The following HNF1B variants were observed in gnomAD, a reference collection of about 807,000 sequenced individuals.
The protein encoded by HNF1B is hepatocyte nuclear factor 1-beta.
Under a neutral mutation model 61.7 loss-of-function variants are expected in HNF1B, and 8 were observed. That is an observed-to-expected ratio of 0.13 (90% CI 0.08 to 0.23). The LOEUF is 0.23. Ranked by LOEUF, HNF1B falls within the 10% of genes least tolerant of loss-of-function variation. The pLI is 1.00. For synonymous variants in HNF1B, 314 were observed against 287.7 expected, an observed-to-expected ratio of 1.09 and a Z score of -0.93; for missense variants, 562 against 714.5, an observed-to-expected ratio of 0.79 and a Z score of 2.43.
At chr17:37,699,329 A>G in intron 7 of HNF1B, 135 bp from the exon 8 acceptor site, 3 of 746,594 alleles carry the variant, frequency 4.0e-6, no homozygotes, top group South Asian at 2.9e-5. Context: ...GGGATTTCTC[A>G]TATTAGTTAT....
chr17:37,744,632 C>G lies in HNF1B; in HGVS notation c.253G>C (p.Asp85His), dbSNP rs772653373. The stretch of plus-strand genomic sequence containing the variant: ...TTGAGGATGGGAGGTGTGTCATAGT[C>G]GTCGCCGTCCTCGGAGCCCTCGTCG... ...SGDEGSEDGD[D>H]YDTPPILKEL... The change falls in exon 1 of 9, where the codon GAC becomes CAC. Residue 85 changes from aspartate (D) to histidine (H), a missense_variant. By Grantham distance (81) the Asp-to-His change is moderately conservative. Transcript: ENST00000617811. 6.2e-7 allele frequency: 1 copy of G among 1,611,846 alleles called. No individual in the cohort carries two copies. Among genetic ancestry groups the G allele is most frequent in the South Asian group, 1.1e-5 (1 of 91,088 alleles).
chr17:37,702,591 C>T (rs959995020), intron 6 of HNF1B, among the ~76,000 whole-genome samples: 5 of 152,196 alleles, frequency 3.3e-5, no homozygotes, highest in African/African-American at 4.8e-5. Context: ...ATGAATGTGC[C>T]GTTTTTGAGA....
chr17:37,740,938 T>C (rs1398697293), intron 1 of HNF1B, among the ~76,000 whole-genome samples: 1 of 152,188 alleles, frequency 6.6e-6, no homozygotes, highest in Non-Finnish European at 1.5e-5. Flanking sequence ...AATTTAAAAC[T>C]AGAAATTAAA....
At chr17:37,734,832 A>G (rs1384389262) in intron 2 of HNF1B, among the ~76,000 whole-genome samples, 1 of 145,072 alleles carries the variant, frequency 6.9e-6, no homozygotes, top group African/African-American at 2.6e-5. Context: ...CTTGTTGCCC[A>G]GGCTGGAGTA....
At chr17:37,741,094 A>T (rs2033978924) in intron 1 of HNF1B, among the ~76,000 whole-genome samples, 1 of 152,236 alleles carries the variant, frequency 6.6e-6, no homozygotes, top group Non-Finnish European at 1.5e-5. Flanking sequence ...GAACAAGAAA[A>T]AAAACGGAAG....
rs200579660 is a variant in HNF1B, at chr17:37,687,401, A to T, written c.1654-9T>A. 7.6e-5 allele frequency: 122 copies of T among 1,599,764 alleles called. No individual in the cohort carries two copies. The highest frequency in any genetic ancestry group is 9.6e-5 in the Non-Finnish European group (112 of 1,167,206). On this transcript the variant is annotated splice_polypyrimidine_tract_variant and intron_variant, in intron 8 of 8. Coordinates refer to ENST00000617811, the MANE Select transcript of HNF1B (RefSeq NM_000458.4). ...CAGGCTTGTAGAGGACACTGCAGAG[A>T]GAGAGGAGAGAGGGTGCTCAGCTGT... is the stretch of plus-strand genomic sequence containing the variant.
intron 6 of HNF1B, among the ~76,000 whole-genome samples, chr17:37,702,711 G>A (rs1209965238): frequency 2.0e-5 from 3 of 152,228 alleles, no homozygotes; most frequent in Non-Finnish European, 2.9e-5. Flanking sequence ...AAACCTGCAT[G>A]TGCTTCAGAA....
intron 8 of HNF1B, among the ~76,000 whole-genome samples, chr17:37,690,767 T>C (rs934578938): frequency 6.6e-6 from 1 of 152,194 alleles, no homozygotes; most frequent in Non-Finnish European, 1.5e-5. Context: ...AGAGTTCCTA[T>C]TTTAGGCACG....
chr17:37,744,639 G>C lies in HNF1B; in HGVS notation c.246C>G (p.Asp82Glu). 6.2e-7 allele frequency: 1 copy of C among 1,612,350 alleles called. No homozygotes were observed. The highest frequency in any genetic ancestry group is 8.5e-7 in the Non-Finnish European group (1 of 1,180,018). Residue 82 changes from aspartate to glutamate, a missense_variant, in exon 1 of 9, where the codon GAC becomes GAG. Transcript: ENST00000617811. ...TGGGAGGTGTGTCATAGTCGTCGCC[G>C]TCCTCGGAGCCCTCGTCGCCGGACA... Reference protein sequence around the residue: ...GRLSGDEGSEDGDDYDTPPIL... With the variant: ...GRLSGDEGSEEGDDYDTPPIL...
At chr17:37,739,738 G>C in intron 1 of HNF1B, 99 bp from the exon 2 acceptor site, 1 of 1,154,852 alleles carries the variant, frequency 8.7e-7, no homozygotes, top group Non-Finnish European at 1.3e-6. Flanking sequence ...GCAAAATTCT[G>C]AATTTTCCCC....
At position 37,745,019 on chromosome 17, in the gene HNF1B, G is replaced by T. The variant is rs1454119910; in HGVS notation, c.-135C>A. 9 of 750,904 alleles carry T rather than the reference G, an allele frequency of 1.2e-5. No homozygotes were observed. In the Admixed American group the frequency reaches 2.4e-4, roughly 20 times the overall value. The allele number at this position is 750,904 out of a possible 1,614,324, so 46.5% of individuals were successfully genotyped here. A position where few individuals can be genotyped will look rare whatever the true frequency, so the allele number is the denominator to read the frequency against. The stretch of plus-strand genomic sequence containing the variant: ...AGCCTCCAGACACCTGTTACTCCCC[G>T]GGGTCCCGGAGGCTCCTCCGAAAGG... On this transcript the variant is annotated 5_prime_UTR_variant, in exon 1 of 9. Transcript: ENST00000617811.
At chr17:37,740,020 T>A (rs2033949350) in intron 1 of HNF1B, among the ~76,000 whole-genome samples, 1 of 152,058 alleles carries the variant, frequency 6.6e-6, no homozygotes, top group Non-Finnish European at 1.5e-5. Flanking sequence ...CAGGCTGGAG[T>A]GCAACGGCAT....
At chr17:37,705,701 G>A (rs2032723556) in intron 5 of HNF1B, among the ~76,000 whole-genome samples, 1 of 152,172 alleles carries the variant, frequency 6.6e-6, no homozygotes, top group Non-Finnish European at 1.5e-5. Context: ...GTATGTAATT[G>A]TAATACAAGC....
chr17:37,703,820 T>C (rs79711496), intron 6 of HNF1B, among the ~76,000 whole-genome samples: 2,630 of 152,312 alleles, frequency 0.017, 31 homozygotes, highest in Middle Eastern at 0.048. Flanking sequence ...CTTAGCCCTG[T>C]TCTGACCTCA....
At chr17:37,733,147 TG>T (rs1368550192) in intron 3 of HNF1B, among the ~76,000 whole-genome samples, 2 of 152,226 alleles carry the variant, frequency 1.3e-5, no homozygotes, top group Non-Finnish European at 2.9e-5. Flanking sequence ...AGTTTTACCC[TG>T]GCCTGCAGGG....
intron 4 of HNF1B, 107 bp from the exon 5 acceptor site, chr17:37,710,770 G>T: frequency 1.8e-6 from 2 of 1,102,548 alleles, no homozygotes; most frequent in East Asian, 2.6e-5. Flanking sequence ...AAATAAAGTT[G>T]CTTTCTCCTC....
intron 3 of HNF1B, 113 bp from the exon 4 acceptor site, chr17:37,731,943 G>T (rs1413038308): frequency 4.6e-5 from 33 of 709,790 alleles, no homozygotes; most frequent in Non-Finnish European, 7.8e-5. Context: ...AAGGGGCCGT[G>T]GGCAGAATGG....
At position 37,700,978 on chromosome 17, in the gene HNF1B, C is replaced by G; in HGVS notation, c.1534+5G>C. 6.4e-7 allele frequency: 1 copy of G among 1,554,852 alleles called. No homozygotes were observed. Among genetic ancestry groups the G allele is most frequent in the Non-Finnish European group, 8.7e-7 (1 of 1,149,268 alleles). ...CTCCCTCCCTCCACATGCCCGTGTC[C>G]TTACTGTGTGAGTTCTGCAGCTGAG... On this transcript the variant is annotated splice_donor_5th_base_variant and intron_variant, in intron 7 of 8. Transcript: ENST00000617811.
intron 7 of HNF1B, 84 bp downstream of exon 7, chr17:37,700,899 G>T: frequency 7.6e-7 from 1 of 1,308,448 alleles, no homozygotes; most frequent in South Asian, 1.3e-5. Context: ...ATAAACTTCC[G>T]AGAAAGTTCA....
Sources: allele counts gnomAD v4.1 joint callset (sites outside exome capture counted in the v4.1 genomes callset), GRCh38; gene constraint gnomAD v4.1.1; transcripts MANE v1.5; gene names NCBI Gene and HGNC (gene_info 2026-07-23, HGNC 2026-07-21).